Variants in CHMP4C observed in about 807,000 individuals in gnomAD.
The protein encoded by CHMP4C is charged multivesicular body protein 4C, also known as SNF7 homolog associated with Alix 3.
A neutral mutation model predicts 29.0 loss-of-function variants in CHMP4C; 28 were observed. The ratio of observed to expected loss-of-function variants is 0.97; its 90% CI spans 0.72 to 1.32. The LOEUF is 1.32. CHMP4C is among the 40% of genes most tolerant of loss of function. The probability of loss-of-function intolerance (pLI) is 0.00; values close to 1 mark genes in which losing one functional copy is unlikely to be tolerated. For synonymous variants in CHMP4C, 106 were observed against 102.4 expected (o/e 1.04, Z -0.21); for missense variants, 291 against 281.0 (o/e 1.04, Z -0.25).
intron 1 of CHMP4C, 30 bp downstream of exon 1, chr8:81,732,846 G>T: frequency 6.3e-7 from 1 of 1,592,312 alleles, no homozygotes; most frequent in Non-Finnish European, 8.6e-7. Context: ...ACAGGCGGGA[G>T]CCCATCTGCC....
At chr8:81,747,597 T>G (rs1320526151) in intron 1 of CHMP4C, among the ~76,000 whole-genome samples, 8 of 152,158 alleles carry the variant, frequency 5.3e-5, no homozygotes, top group Non-Finnish European at 1.0e-4. Flanking sequence ...GAGGTATTTT[T>G]GGGGGACCTG....
At chr8:81,747,521 A>G (rs1808842725) in intron 1 of CHMP4C, among the ~76,000 whole-genome samples, 1 of 152,118 alleles carries the variant, frequency 6.6e-6, no homozygotes, top group South Asian at 2.1e-4. Context: ...ACTCTGCTGA[A>G]TAGTACTGTT....
At chr8:81,739,430 G>GA (rs554518738) in intron 1 of CHMP4C, among the ~76,000 whole-genome samples, 17 of 118,806 alleles carry the variant, frequency 1.4e-4, no homozygotes, top group South Asian at 2.9e-4. Flanking sequence ...GGGGGGGGTG[G>GA]AAAAAAAAAA....
intron 1 of CHMP4C, among the ~76,000 whole-genome samples, chr8:81,747,907 G>T (rs1367882191): frequency 6.6e-6 from 1 of 152,144 alleles, no homozygotes; most frequent in African/African-American, 2.4e-5. Context: ...AGGGTTTTGA[G>T]ATCAACCGGT....
In CHMP4C at chr8:81,732,745, A is replaced by C; in HGVS notation, c.119A>C (p.Gln40Pro). 1 of 1,609,728 alleles carries C rather than the reference A, an allele frequency of 6.2e-7. No homozygotes were observed. Among genetic ancestry groups the C allele is most frequent in the Non-Finnish European group, 8.5e-7 (1 of 1,178,148 alleles). ...RETEEMLGKK[Q>P]EYLENRIQRE... ...ACTGAGGAGATGCTGGGCAAGAAACAAGAGTACCTGGAAAATCGAATCCAG... is the reference window on the plus strand; with the variant it reads ...ACTGAGGAGATGCTGGGCAAGAAACCAGAGTACCTGGAAAATCGAATCCAG... Residue 40 changes from glutamine (Q) to proline (P), a missense_variant, in exon 1 of 5, where the codon CAA becomes CCA. Gln to Pro is a moderately conservative substitution (Grantham distance 76, BLOSUM62 -1). Transcript: ENST00000297265.
chr8:81,739,782 T>C (rs1344378252), intron 1 of CHMP4C, among the ~76,000 whole-genome samples: 1 of 152,238 alleles, frequency 6.6e-6, no homozygotes, highest in Non-Finnish European at 1.5e-5. Flanking sequence ...CAGAGTGGCC[T>C]GGGCTTGTTA....
intron 1 of CHMP4C, among the ~76,000 whole-genome samples, chr8:81,739,419 G>GGC (rs1554592445): frequency 0.23 from 3,549 of 15,454 alleles, 208 homozygotes; most frequent in African/African-American, 0.47. Context: ...GGGGGATTGT[G>GGC]GGGGGGGGTG....
chr8:81,750,446 TAA>T (rs60937204), intron 1 of CHMP4C, among the ~76,000 whole-genome samples: 1 of 142,220 alleles, frequency 7.0e-6, no homozygotes, highest in Admixed American at 7.1e-5. Context: ...ACAAAAAAAT[TAA>T]AAAAAAAAAA....
chr8:81,750,784 A>G (rs574494402), intron 1 of CHMP4C, among the ~76,000 whole-genome samples: 1 of 152,254 alleles, frequency 6.6e-6, no homozygotes, highest in African/African-American at 2.4e-5. Context: ...AAAGAGTGAT[A>G]AAAGAAATAA....
At chr8:81,751,315 T>A (rs1392612813) in intron 1 of CHMP4C, among the ~76,000 whole-genome samples, 1 of 152,072 alleles carries the variant, frequency 6.6e-6, no homozygotes, top group Non-Finnish European at 1.5e-5. Context: ...ATTGTTAAAA[T>A]TGTGTCTATG....
chr8:81,752,992 G>A, intron 1 of CHMP4C, 72 bp from the exon 2 acceptor site: 2 of 1,332,580 alleles, frequency 1.5e-6, no homozygotes, highest in Non-Finnish European at 2.1e-6. Flanking sequence ...GTCCATAGTG[G>A]TGCTGAGCAA....
intron 2 of CHMP4C, among the ~76,000 whole-genome samples, chr8:81,754,310 T>G (rs1442604364): frequency 6.6e-6 from 1 of 152,158 alleles, no homozygotes; most frequent in Non-Finnish European, 1.5e-5. Context: ...GTATTACATT[T>G]GAGAAAAATT....
intron 1 of CHMP4C, among the ~76,000 whole-genome samples, chr8:81,734,939 G>T (rs1250016594): frequency 2.0e-5 from 3 of 151,846 alleles, no homozygotes; most frequent in African/African-American, 7.3e-5. Flanking sequence ...TATCGCCCAG[G>T]CTGGAGTACA....
intron 1 of CHMP4C, among the ~76,000 whole-genome samples, chr8:81,734,618 C>T (rs112575431): frequency 1.3e-4 from 20 of 152,290 alleles, no homozygotes; most frequent in African/African-American, 4.6e-4. Flanking sequence ...GTGTGAGCCA[C>T]CGCACCTGGC....
chr8:81,732,908 G>C, intron 1 of CHMP4C, 92 bp downstream of exon 1: 9 of 1,238,388 alleles, frequency 7.3e-6, no homozygotes, highest in Non-Finnish European at 1.0e-5. Flanking sequence ...GTCCCCAGGT[G>C]GCCAGGTTTG....
intron 1 of CHMP4C, among the ~76,000 whole-genome samples, chr8:81,748,973 T>TAAA (rs1204465973): frequency 1.3e-5 from 2 of 151,646 alleles, no homozygotes; most frequent in Non-Finnish European, 2.9e-5. Context: ...GAATGTTGTA[T>TAAA]AAATTGCTAC....
intron 1 of CHMP4C, among the ~76,000 whole-genome samples, chr8:81,746,419 C>T (rs1473638904): frequency 6.6e-6 from 1 of 152,226 alleles, no homozygotes; most frequent in Non-Finnish European, 1.5e-5. Flanking sequence ...GCTCCCAGAT[C>T]ACTGGGGTCT....
chr8:81,744,367 T>G (rs189102025), intron 1 of CHMP4C, among the ~76,000 whole-genome samples: 1 of 152,334 alleles, frequency 6.6e-6, no homozygotes, highest in African/African-American at 2.4e-5. Context: ...GTAATACCTT[T>G]TTCATCATTC....
chr8:81,733,766 A>G (rs1169571044), intron 1 of CHMP4C, among the ~76,000 whole-genome samples: 1 of 152,162 alleles, frequency 6.6e-6, no homozygotes, highest in Admixed American at 6.5e-5. Context: ...CTCTTGTAAC[A>G]CCGGGTTCAT....
Sources: gnomAD v4.1 joint callset for allele counts (sites outside exome capture counted in the v4.1 genomes callset) on GRCh38, gnomAD v4.1.1 for gene constraint, MANE v1.5 for transcripts, NCBI Gene and HGNC (gene_info 2026-07-23, HGNC 2026-07-21) for gene names.